The following LMO3 variants were observed in gnomAD, a reference collection of about 807,000 sequenced individuals.
LMO3 encodes LIM domain only protein 3.
Under a neutral mutation model 15.8 loss-of-function variants are expected in LMO3, and 2 were observed. The ratio of observed to expected loss-of-function variants is 0.13; its 90% CI spans 0.05 to 0.40. The LOEUF (loss-of-function observed/expected upper bound fraction) is 0.40. Ranked by LOEUF, LMO3 falls within the 10% of genes least tolerant of loss-of-function variation. LMO3 has a pLI of 0.99. For synonymous variants in LMO3, 62 were observed against 63.8 expected (o/e 0.97, Z 0.13); for missense variants, 86 against 182.2 (o/e 0.47, Z 3.04).
At chr12:16,607,829 CA>C (rs1420340839), upstream of LMO3, 4 of 151,310 alleles carry the variant, frequency 2.6e-5, no homozygotes, top group Non-Finnish European at 4.4e-5. Context: ...AATAAAGGCA[CA>C]ACATTGATAA....
chr12:16,569,880 C>A (rs1942754158), intron 2 of LMO3, among the ~76,000 whole-genome samples: 1 of 152,074 alleles, frequency 6.6e-6, no homozygotes, highest in African/African-American at 2.4e-5. Flanking sequence ...TTAACTATAT[C>A]TTTAAAGTAA....
chr12:16,558,794 T>C (rs1476110889), intron 3 of LMO3, among the ~76,000 whole-genome samples: 3 of 152,174 alleles, frequency 2.0e-5, no homozygotes, highest in Non-Finnish European at 4.4e-5. Flanking sequence ...TAATGGAATA[T>C]TATTTGGTAA....
In LMO3 at chr12:16,594,250, C is replaced by G. The variant is rs771202751; in HGVS notation, c.206+6405G>C. 4 of 1,529,230 alleles carry G rather than the reference C, an allele frequency of 2.6e-6. No homozygotes were observed. In the South Asian group the frequency reaches 3.6e-5, roughly 14 times the overall value. The allele number at this position is 1,529,230 out of a possible 1,614,324, so 94.7% of individuals were successfully genotyped here. A position where few individuals can be genotyped will look rare whatever the true frequency, so the allele number is the denominator to read the frequency against. ...CAGCATGTATGTATATAGATCCACACCTCTTCAAATGCTTAACAAGAGGAA... is the reference window on the plus strand; with the variant it reads ...CAGCATGTATGTATATAGATCCACAGCTCTTCAAATGCTTAACAAGAGGAA... On this transcript the variant is annotated intron_variant, in intron 2 of 3. Transcript: ENST00000537304.
intron 1 of LMO3, chr12:16,605,855 G>T: frequency 6.5e-7 from 1 of 1,528,024 alleles, no homozygotes; most frequent in East Asian, 2.4e-5. Context: ...TAAAAATAAT[G>T]AAGCCTCACA....
intron 2 of LMO3, among the ~76,000 whole-genome samples, chr12:16,583,091 C>G (rs1052251659): frequency 6.6e-6 from 1 of 150,698 alleles, no homozygotes; most frequent in Non-Finnish European, 1.5e-5. Context: ...TCATGGCATC[C>G]AAGACAGTAG....
chr12:16,562,375 C>T (rs1942437539), intron 2 of LMO3, among the ~76,000 whole-genome samples: 1 of 152,132 alleles, frequency 6.6e-6, no homozygotes, highest in African/African-American at 2.4e-5. Context: ...TATATAACAT[C>T]TGGTTAACAT....
intron 2 of LMO3, among the ~76,000 whole-genome samples, chr12:16,565,623 C>T (rs1241461944): frequency 6.6e-6 from 1 of 152,012 alleles, no homozygotes; most frequent in Non-Finnish European, 1.5e-5. Context: ...TTATTTTGAA[C>T]TGTGTTTCTA....
In LMO3 at chr12:16,599,036, A is replaced by C. The variant is rs1943742933; in HGVS notation, c.206+1619T>G. 1 of 169,720 alleles carries C rather than the reference A, an allele frequency of 5.9e-6. No homozygotes were observed. The highest frequency in any genetic ancestry group is 2.4e-5 in the African/African-American group (1 of 41,964). 10.5% of individuals were successfully genotyped at this position (169,720 alleles called of 1,614,324 possible). A position where few individuals can be genotyped will look rare whatever the true frequency, so the allele number is the denominator to read the frequency against. On this transcript the variant is annotated intron_variant, in intron 2 of 3. Coordinates refer to ENST00000537304, the MANE Select transcript of LMO3 (RefSeq NM_018640.5). The surrounding 1 kb of genome is among the most constrained non-coding windows in gnomAD (Gnocchi z 4.1). ...CTATGACTATTGGTTAGTACAGATA[A>C]AGCAAAACTAAAAAGCAGTATTAAA...
Position 16,560,800 on chromosome 12 carries a change from A to G in LMO3, c.207-262T>C, listed in dbSNP as rs755628641. The G allele has an allele frequency of 1.0e-5, 5 of 488,330 alleles. No individual in the cohort carries two copies. The Admixed American group carries it at 1.4e-4, about 14-fold the overall frequency. 30.2% of individuals were successfully genotyped at this position (488,330 alleles called of 1,614,324 possible). On this transcript the variant is annotated intron_variant, in intron 2 of 3. Transcript: ENST00000537304. This position sits in a 1 kb window ranked among gnomAD's most constrained non-coding sequence, Gnocchi z 5.0. ...AGGAAGCTTACGTAACTGCACATAAACAGAAGTCAATGGGGGTGAATTCAT... is the reference window on the plus strand; with the variant it reads ...AGGAAGCTTACGTAACTGCACATAAGCAGAAGTCAATGGGGGTGAATTCAT...
rs1411887230 is a variant in LMO3 at position 16,576,028 on chromosome 12, TG to T, written c.207-15491del. Among the ~76,000 whole-genome samples the T allele has an allele frequency of 6.6e-6, 1 of 152,138 alleles. No individual in the cohort carries two copies. Among genetic ancestry groups the T allele is most frequent in the African/African-American group, 2.4e-5 (1 of 41,430 alleles). On this transcript the variant is annotated intron_variant, in intron 2 of 3. Coordinates refer to ENST00000537304, the MANE Select transcript of LMO3 (RefSeq NM_018640.5). The surrounding 1 kb of genome is among the most constrained non-coding windows in gnomAD (Gnocchi z 4.1). ...AGACCCCCAAATCTAGCCCTGCCGCTGTGTTAAAAGGGGATCTGTCCTCTTT... is the reference window on the plus strand; with the variant it reads ...AGACCCCCAAATCTAGCCCTGCCGCTTGTTAAAAGGGGATCTGTCCTCTTT...
rs1942993821 is a variant in LMO3, at chr12:16,576,286, C to G, written c.207-15748G>C. Reference sequence around the variant, plus strand: ...GGGAAGCATGAAAGGTCCATCCTGTCTGTCTTCTTTTCTGTCTTCTATCCC... The same window carrying G: ...GGGAAGCATGAAAGGTCCATCCTGTGTGTCTTCTTTTCTGTCTTCTATCCC... On this transcript the variant is annotated intron_variant, in intron 2 of 3. Transcript: ENST00000537304. This position sits in a 1 kb window ranked among gnomAD's most constrained non-coding sequence, Gnocchi z 4.1. Among the ~76,000 whole-genome samples the G allele has an allele frequency of 6.6e-6, 1 of 152,166 alleles. No individual in the cohort carries two copies. The highest frequency in any genetic ancestry group is 2.1e-4 in the South Asian group (1 of 4,820).
At chr12:16,595,011 A>T (rs914096462) in intron 2 of LMO3, among the ~76,000 whole-genome samples, 1 of 151,542 alleles carries the variant, frequency 6.6e-6, no homozygotes, top group Non-Finnish European at 1.5e-5. Context: ...CAATTTTAGC[A>T]ATTCTCAAAT....
At position 16,584,456 on chromosome 12, in the gene LMO3, C is replaced by T. The variant is rs1324359291; in HGVS notation, c.206+16199G>A. Among the ~76,000 whole-genome samples, 2 of 152,072 alleles carry T rather than the reference C, an allele frequency of 1.3e-5. No homozygotes were observed. The highest frequency in any genetic ancestry group is 2.9e-5 in the Non-Finnish European group (2 of 68,024). ...TTGTGGACACAGCAAAAGTTATTGA[C>T]AAGGACATGAGGTTTCTGGAGGACC... On this transcript the variant is annotated intron_variant, in intron 2 of 3. Coordinates refer to ENST00000537304, the MANE Select transcript of LMO3 (RefSeq NM_018640.5). This position sits in a 1 kb window ranked among gnomAD's most constrained non-coding sequence, Gnocchi z 5.2.
chr12:16,556,277 A>T (rs1183988986), intron 3 of LMO3, among the ~76,000 whole-genome samples: 1 of 152,200 alleles, frequency 6.6e-6, no homozygotes, highest in African/African-American at 2.4e-5. Flanking sequence ...AGAATCTTCC[A>T]ATTCTGAATG....
At chr12:16,569,822 G>GAAAC (rs1219715988) in intron 2 of LMO3, among the ~76,000 whole-genome samples, 1 of 151,930 alleles carries the variant, frequency 6.6e-6, no homozygotes, top group East Asian at 1.9e-4. Flanking sequence ...AAGGGAAAAA[G>GAAAC]AAACAGTAAA....
rs1943875547 is a variant in LMO3 at position 16,603,049 on chromosome 12, C to T, written c.-8-2181G>A. Reference sequence around the variant, plus strand: ...TATATTTCCCACAGTTGTGTTTCTACCATCAAGCATAGAAGGTCAGCTGTT... The same window carrying T: ...TATATTTCCCACAGTTGTGTTTCTATCATCAAGCATAGAAGGTCAGCTGTT... On this transcript the variant is annotated intron_variant, in intron 1 of 3. Transcript: ENST00000537304. The surrounding 1 kb of genome is among the most constrained non-coding windows in gnomAD (Gnocchi z 4.9). Among the ~76,000 whole-genome samples the T allele has an allele frequency of 1.3e-5, 2 of 151,676 alleles. No homozygotes were observed. Among genetic ancestry groups the T allele is most frequent in the African/African-American group, 2.4e-5 (1 of 41,330 alleles).
intron 2 of LMO3, among the ~76,000 whole-genome samples, chr12:16,564,641 C>T (rs575766198): frequency 6.6e-6 from 1 of 152,224 alleles, no homozygotes; most frequent in South Asian, 2.1e-4. Context: ...CAAATTCCTC[C>T]AAGCTATGTA....
chr12:16,594,107 T>C, intron 2 of LMO3: 1 of 1,529,484 alleles, frequency 6.5e-7, no homozygotes, highest in South Asian at 1.2e-5. Flanking sequence ...TGGCGTCAGG[T>C]GTTTGAATTT....
Position 16,582,677 on chromosome 12 carries a change from AC to A in LMO3, c.206+17977del, listed in dbSNP as rs1943197111. Among the ~76,000 whole-genome samples, 1 of 152,302 alleles carries A rather than the reference AC, an allele frequency of 6.6e-6. No homozygotes were observed. The highest frequency in any genetic ancestry group is 2.4e-5 in the African/African-American group (1 of 41,560). On this transcript the variant is annotated intron_variant, in intron 2 of 3. Transcript: ENST00000537304. This position sits in a 1 kb window ranked among gnomAD's most constrained non-coding sequence, Gnocchi z 4.1. ...AACATCTCCTAGGAAAAATAAGTAT[AC>A]CACAACAAGATCACCGTTCCTAGGT...
Sources: gnomAD v4.1 joint callset for allele counts (sites outside exome capture counted in the v4.1 genomes callset) on GRCh38, gnomAD v4.1.1 for gene constraint, Gnocchi (gnomAD v3.1) non-coding constraint, MANE v1.5 for transcripts, NCBI Gene and HGNC (gene_info 2026-07-23, HGNC 2026-07-21) for gene names.